Variants in AGPAT4 observed in about 807,000 individuals in gnomAD.
AGPAT4 encodes the protein 1-acyl-sn-glycerol-3-phosphate acyltransferase delta.
In AGPAT4, 15 loss-of-function variants were observed where a neutral mutation model predicts 48.0. The ratio of observed to expected loss-of-function variants is 0.31; its 90% CI spans 0.21 to 0.48. The LOEUF (loss-of-function observed/expected upper bound fraction) is 0.48. Ranked by LOEUF, AGPAT4 falls within the 20% of genes least tolerant of loss-of-function variation. AGPAT4 has a pLI of 0.99. For missense variants in AGPAT4, 314 were observed against 482.5 expected, an observed-to-expected ratio of 0.65 and a Z score of 3.27; for synonymous variants, 178 against 198.7, an observed-to-expected ratio of 0.90 and a Z score of 0.88.
Position 161,258,481 on chromosome 6 carries a change from G to A in AGPAT4, c.-90+15457C>T, listed in dbSNP as rs74773879. 3.5e-3 allele frequency among the ~76,000 whole-genome samples: 530 copies of A among 152,160 alleles called. 1 individual carries two copies. The highest frequency in any genetic ancestry group is 0.012 in the African/African-American group (515 of 41,494). On this transcript the variant is annotated intron_variant, in intron 1 of 8. Transcript: ENST00000320285. ...TTTTCAAATGTATATTTATGTTCAT[G>A]TCTTGAATCATAAGACAAGCAAAAT...
At position 161,141,557 on chromosome 6, in the gene AGPAT4, G is replaced by T. The variant is rs1466496370; in HGVS notation, c.844-1937C>A. Among the ~76,000 whole-genome samples, 2 of 151,916 alleles carry T rather than the reference G, an allele frequency of 1.3e-5. No individual in the cohort carries two copies. The highest frequency in any genetic ancestry group is 4.8e-5 in the African/African-American group (2 of 41,352). On this transcript the variant is annotated intron_variant, in intron 7 of 8. Transcript: ENST00000320285. The surrounding 1 kb of genome is among the most constrained non-coding windows in gnomAD (Gnocchi z 6.7). ...CACAGGGCACCTGATAACTAGACAA[G>T]GGGGGTGATATTTTTGTGCCTTGTT...
intron 5 of AGPAT4, among the ~76,000 whole-genome samples, chr6:161,152,601 AAGG>A (rs1484875737): frequency 6.6e-6 from 1 of 152,104 alleles, no homozygotes; most frequent in Non-Finnish European, 1.5e-5. Context: ...TTTGCCTCAG[AAGG>A]AGGAGAGGAG....
At position 161,158,819 on chromosome 6, in the gene AGPAT4, C is replaced by T. The variant is rs145013504; in HGVS notation, c.349-4509G>A. ...ATGAAGATTCCAAACCCCGGTGCTG[C>T]GAGCAGCATGGCTGGGAGCAGCAGG... On this transcript the variant is annotated intron_variant, in intron 3 of 8. Transcript: ENST00000320285. The surrounding 1 kb of genome is among the most constrained non-coding windows in gnomAD (Gnocchi z 5.3). Among the ~76,000 whole-genome samples the T allele has an allele frequency of 1.3e-4, 20 of 152,304 alleles. No homozygotes were observed. The highest frequency in any genetic ancestry group is 4.1e-4 in the African/African-American group (17 of 41,566).
intron 2 of AGPAT4, among the ~76,000 whole-genome samples, chr6:161,181,442 A>G (rs1583307950): frequency 6.9e-6 from 1 of 144,974 alleles, no homozygotes; most frequent in African/African-American, 2.6e-5. Flanking sequence ...GGCTCAGTTC[A>G]CACCCATACT....
Position 161,161,352 on chromosome 6 carries a change from G to A in AGPAT4, c.348+4896C>T, listed in dbSNP as rs1446365487. ...CACTTCCTGCCCTGGCCAGTGGTTC[G>A]CCTGCTACCTCGGTCGTCACCATTA... On this transcript the variant is annotated intron_variant, in intron 3 of 8. Coordinates refer to ENST00000320285, the MANE Select transcript of AGPAT4 (RefSeq NM_020133.3). The surrounding 1 kb of genome is among the most constrained non-coding windows in gnomAD (Gnocchi z 4.6). 7 of 456,576 alleles carry A rather than the reference G, an allele frequency of 1.5e-5. No individual in the cohort carries two copies. The highest frequency in any genetic ancestry group is 2.6e-5 in the Non-Finnish European group (6 of 226,986). 28.3% of individuals were successfully genotyped at this position (456,576 alleles called of 1,614,324 possible).
In AGPAT4 at chr6:161,196,770, C is replaced by T. The variant is rs183923996; in HGVS notation, c.179-30353G>A. On this transcript the variant is annotated intron_variant, in intron 2 of 8. Coordinates refer to ENST00000320285, the MANE Select transcript of AGPAT4 (RefSeq NM_020133.3). This position sits in a 1 kb window ranked among gnomAD's most constrained non-coding sequence, Gnocchi z 4.3. ...ATTGCAGTGAGCCGAGATCGTGCTA[C>T]TGTACTCCAGCCTAGGCAACAGAGA... Among the ~76,000 whole-genome samples, 262 of 150,032 alleles carry T rather than the reference C, an allele frequency of 1.7e-3. 1 individual carries two copies. Among genetic ancestry groups the T allele is most frequent in the Non-Finnish European group, 3.2e-3 (217 of 67,786 alleles).
intron 2 of AGPAT4, among the ~76,000 whole-genome samples, chr6:161,183,627 G>A (rs1780664240): frequency 7.7e-6 from 1 of 130,134 alleles, no homozygotes; most frequent in African/African-American, 2.9e-5. Context: ...GGGAAGGGAA[G>A]GGAGGGGAGG....
chr6:161,230,537 A>C (rs1278021570), intron 2 of AGPAT4, among the ~76,000 whole-genome samples: 1 of 152,248 alleles, frequency 6.6e-6, no homozygotes, highest in Non-Finnish European at 1.5e-5. Flanking sequence ...CCTTGATTAC[A>C]CAAACTTATC....
Position 161,218,250 on chromosome 6 carries a change from GA to G in AGPAT4, c.178+13785del, listed in dbSNP as rs1349799708. 2.0e-5 allele frequency among the ~76,000 whole-genome samples: 3 copies of G among 151,812 alleles called. No homozygotes were observed. The highest frequency in any genetic ancestry group is 4.8e-5 in the African/African-American group (2 of 41,334). ...TGGCAGGGGAGGCAGTAGGTGGGAG[GA>G]AAAAAAGCCCTGATTTATAGTTCTG... On this transcript the variant is annotated intron_variant, in intron 2 of 8. Coordinates refer to ENST00000320285, the MANE Select transcript of AGPAT4 (RefSeq NM_020133.3). The surrounding 1 kb of genome is among the most constrained non-coding windows in gnomAD (Gnocchi z 4.7).
chr6:161,144,395 T>C lies in AGPAT4; in HGVS notation c.843+2129A>G, dbSNP rs528602020. 3 of 342,948 alleles carry C rather than the reference T, an allele frequency of 8.7e-6. No homozygotes were observed. In the East Asian group the frequency reaches 2.3e-4, roughly 26 times the overall value. 21.2% of individuals were successfully genotyped at this position (342,948 alleles called of 1,614,324 possible). On this transcript the variant is annotated intron_variant, in intron 7 of 8. Coordinates refer to ENST00000320285, the MANE Select transcript of AGPAT4 (RefSeq NM_020133.3). This position sits in a 1 kb window ranked among gnomAD's most constrained non-coding sequence, Gnocchi z 6.6. ...AGTAGTGTAAGAGCTTTGGAGTAGA[T>C]GATCACTTTGAGAACCCTACCAAGT... is the stretch of plus-strand genomic sequence containing the variant.
rs549940507 is a variant in AGPAT4, at chr6:161,201,537, G to A, written c.178+30499C>T. 6.6e-6 allele frequency among the ~76,000 whole-genome samples: 1 copy of A among 152,310 alleles called. No homozygotes were observed. The highest frequency in any genetic ancestry group is 2.4e-5 in the African/African-American group (1 of 41,566). ...CCCCACCATGAGCTCTATCTGCGAT[G>A]TCCCAGGAACTCTCCTGCAATACAG... On this transcript the variant is annotated intron_variant, in intron 2 of 8. Transcript: ENST00000320285. This position sits in a 1 kb window ranked among gnomAD's most constrained non-coding sequence, Gnocchi z 6.0.
intron 2 of AGPAT4, among the ~76,000 whole-genome samples, chr6:161,170,455 GTGCACA>G (rs1562322461): frequency 2.9e-5 from 4 of 137,492 alleles, no homozygotes; most frequent in East Asian, 2.2e-4. Context: ...ACACATGCGC[GTGCACA>G]CGTGCGCGCG....
Position 161,161,063 on chromosome 6 carries a change from A to G in AGPAT4, c.348+5185T>C, listed in dbSNP as rs758780315. 29 of 456,614 alleles carry G rather than the reference A, an allele frequency of 6.4e-5. No homozygotes were observed. Among genetic ancestry groups the G allele is most frequent in the South Asian group, 9.3e-5 (6 of 64,568 alleles). 28.3% of individuals were successfully genotyped at this position (456,614 alleles called of 1,614,324 possible). On this transcript the variant is annotated intron_variant, in intron 3 of 8. Transcript: ENST00000320285. This position sits in a 1 kb window ranked among gnomAD's most constrained non-coding sequence, Gnocchi z 4.6. ...ATGGGATGATACCAAGTCGGTGTAC[A>G]GCAGACAGCACAGGCTGTGACCGTT... is the stretch of plus-strand genomic sequence containing the variant.
chr6:161,173,849 C>G (rs971567739), intron 2 of AGPAT4, among the ~76,000 whole-genome samples: 1 of 152,206 alleles, frequency 6.6e-6, no homozygotes. Context: ...GATCCAGTTT[C>G]AGCTTTCTAC....
At chr6:161,156,064 AAACGAC>A (rs879586799) in intron 3 of AGPAT4, among the ~76,000 whole-genome samples, 9 of 152,184 alleles carry the variant, frequency 5.9e-5, no homozygotes, top group Non-Finnish European at 7.3e-5. Flanking sequence ...TGCTAAATGG[AAACGAC>A]AACTTTGACA....
chr6:161,156,810 C>T (rs762863917), intron 3 of AGPAT4, among the ~76,000 whole-genome samples: 8 of 152,218 alleles, frequency 5.3e-5, no homozygotes, highest in South Asian at 2.1e-4. Flanking sequence ...GGCGGAAAAC[C>T]GCTTAAAGGT....
chr6:161,133,394 A>T lies in AGPAT4; in HGVS notation c.*3146T>A, dbSNP rs973269021. 6.6e-6 allele frequency: 1 copy of T among 152,230 alleles called. No homozygotes were observed. Among genetic ancestry groups the T allele is most frequent in the African/African-American group, 2.4e-5 (1 of 41,454 alleles). 9.4% of individuals were successfully genotyped at this position (152,230 alleles called of 1,614,324 possible). A position where few individuals can be genotyped will look rare whatever the true frequency, so the allele number is the denominator to read the frequency against. On this transcript the variant is annotated 3_prime_UTR_variant, in exon 9 of 9. Transcript: ENST00000320285. ...CATGCATTTGTTTAGAGGATATTGC[A>T]GTCGAGATATTCCAGTACTACTGTG...
intron 2 of AGPAT4, among the ~76,000 whole-genome samples, chr6:161,199,721 G>A (rs896743048): frequency 8.5e-5 from 13 of 152,218 alleles, no homozygotes; most frequent in African/African-American, 2.6e-4. Flanking sequence ...ATTTAAAAGC[G>A]TGCAGCACCT....
rs550896771 is a variant in AGPAT4, at chr6:161,138,616, A to G, written c.1042+806T>C. 2.6e-5 allele frequency among the ~76,000 whole-genome samples: 4 copies of G among 152,284 alleles called. No individual in the cohort carries two copies. Among genetic ancestry groups the G allele is most frequent in the African/African-American group, 9.6e-5 (4 of 41,562 alleles). ...TGCTTGGGCCTTTTATAGTGAGCAT[A>G]CTGCATCTTTGTGTTTGACAGAAAA... On this transcript the variant is annotated intron_variant, in intron 8 of 8. Coordinates refer to ENST00000320285, the MANE Select transcript of AGPAT4 (RefSeq NM_020133.3). This position sits in a 1 kb window ranked among gnomAD's most constrained non-coding sequence, Gnocchi z 4.8.
Sources: gnomAD v4.1 joint callset for allele counts (sites outside exome capture counted in the v4.1 genomes callset) on GRCh38, gnomAD v4.1.1 for gene constraint, Gnocchi (gnomAD v3.1) non-coding constraint, MANE v1.5 for transcripts, NCBI Gene and HGNC (gene_info 2026-07-23, HGNC 2026-07-21) for gene names.